CRYM: variants seen among roughly 807,000 people sequenced by gnomAD.
CRYM encodes crystallin mu, also known as ketimine reductase mu-crystallin.
CRYM carries 18 observed loss-of-function variants against 32.9 expected under a neutral mutation model. That is an observed-to-expected ratio of 0.55 (90% confidence interval 0.38 to 0.81). The LOEUF is 0.81. CRYM is among the 30% of genes least tolerant of loss of function. CRYM has a pLI of 0.00. For synonymous variants in CRYM, 153 were observed against 152.4 expected, an observed-to-expected ratio of 1.00 and a Z score of -0.03; for missense variants, 337 against 393.5, an observed-to-expected ratio of 0.86 and a Z score of 1.21.
chr16:21,259,371 G>T (rs2093350267), intron 7 of CRYM, among the ~76,000 whole-genome samples: 1 of 151,798 alleles, frequency 6.6e-6, no homozygotes, highest in Admixed American at 6.6e-5. Context: ...GCCTCCCAAA[G>T]TGCTGGGCTT....
Position 21,277,724 on chromosome 16 carries a change from C to T in CRYM, c.171-140G>A. The T allele has an allele frequency of 3.2e-6, 3 of 945,182 alleles. No individual in the cohort carries two copies. In the South Asian group the frequency reaches 4.5e-5, roughly 14 times the overall value. The allele number at this position is 945,182 out of a possible 1,614,324, so 58.5% of individuals were successfully genotyped here. A position where few individuals can be genotyped will look rare whatever the true frequency, so the allele number is the denominator to read the frequency against. ...CCAGCCCCCGCATCCCTCTGCCCTT[C>T]CCTTAGACACTATGCACAGTATGTT... is the stretch of plus-strand genomic sequence containing the variant. On this transcript the variant is annotated intron_variant, in intron 1 of 7. Transcript: ENST00000572914. This position sits in a 1 kb window ranked among gnomAD's most constrained non-coding sequence, Gnocchi z 4.2.
At chr16:21,278,705 A>G (rs2093392730), upstream of CRYM, 1 of 185,634 alleles carries the variant, frequency 5.4e-6, no homozygotes, top group Non-Finnish European at 1.1e-5. Flanking sequence ...GCTAGGAGAT[A>G]AAAGGAGACG....
Position 21,277,954 on chromosome 16 carries a change from TAAA to T in CRYM, c.170+125_170+127del, listed in dbSNP as rs2093390352. 9.0e-7 allele frequency: 1 copy of T among 1,115,140 alleles called. No homozygotes were observed. Among genetic ancestry groups the T allele is most frequent in the South Asian group, 1.6e-5 (1 of 64,382 alleles). The allele number at this position is 1,115,140 out of a possible 1,614,324, so 69.1% of individuals were successfully genotyped here. A position where few individuals can be genotyped will look rare whatever the true frequency, so the allele number is the denominator to read the frequency against. ...ACTTAGCACACCGGGTAGCGCCTATTAAAAGTGGCAGCTGTTAGCAACGGTTAG... is the reference window on the plus strand; with the variant it reads ...ACTTAGCACACCGGGTAGCGCCTATTAGTGGCAGCTGTTAGCAACGGTTAG... On this transcript the variant is annotated intron_variant, in intron 1 of 7. Transcript: ENST00000572914. This position sits in a 1 kb window ranked among gnomAD's most constrained non-coding sequence, Gnocchi z 4.2.
intron 7 of CRYM, among the ~76,000 whole-genome samples, chr16:21,259,151 T>C (rs572036437): frequency 2.6e-5 from 4 of 151,984 alleles, no homozygotes; most frequent in East Asian, 3.9e-4. Context: ...CAGGCTGAAG[T>C]GCAGTGGCGC....
At chr16:21,264,796 C>T (rs972594956) in intron 5 of CRYM, among the ~76,000 whole-genome samples, 2 of 151,966 alleles carry the variant, frequency 1.3e-5, no homozygotes, top group Non-Finnish European at 2.9e-5. Flanking sequence ...ATGGAGAGTC[C>T]ATATGGTGGG....
intron 5 of CRYM, among the ~76,000 whole-genome samples, chr16:21,265,412 T>C (rs1254768843): frequency 6.6e-6 from 1 of 152,204 alleles, no homozygotes; most frequent in East Asian, 1.9e-4. Context: ...AGAGAGCTTC[T>C]CAGATAACCC....
intron 7 of CRYM, among the ~76,000 whole-genome samples, chr16:21,259,878 A>G (rs976878951): frequency 6.6e-6 from 1 of 152,252 alleles, no homozygotes; most frequent in Non-Finnish European, 1.5e-5. Flanking sequence ...CCCAAAAGTA[A>G]GAAAGCAAAA....
intron 1 of CRYM, chr16:21,301,377 T>TGGGACGAGGTGGGTGAGCGCAA (rs1487081942): frequency 1.5e-5 from 2 of 134,210 alleles, no homozygotes; most frequent in Non-Finnish European, 3.1e-5. Flanking sequence ...GTAGGGCGCA[T>TGGGACGAGGTGGGTGAGCGCAA]GGGACGAGGT....
At chr16:21,267,039 C>T (rs2093365169) in intron 5 of CRYM, among the ~76,000 whole-genome samples, 2 of 151,980 alleles carry the variant, frequency 1.3e-5, no homozygotes, top group Non-Finnish European at 2.9e-5. Flanking sequence ...TTTTATAGAA[C>T]ATTAAATATT....
At chr16:21,289,250 G>A (rs1001501858) in intron 1 of CRYM, among the ~76,000 whole-genome samples, 1 of 152,052 alleles carries the variant, frequency 6.6e-6, no homozygotes. Context: ...ATATTTTAGG[G>A]CTGTGTTGTT....
chr16:21,267,706 G>A lies in CRYM; in HGVS notation c.521C>T (p.Ala174Val). The change falls in exon 5 of 8, where the codon GCA becomes GTA. Residue 174 changes from alanine to valine, a missense_variant. By Grantham distance (64) the Ala-to-Val change is moderately conservative. Coordinates refer to ENST00000572914, the MANE Select transcript of CRYM (RefSeq NM_001376256.1). Reference sequence around the variant, plus strand: ...TTGCACTGTGTCTGCAAACTTCTCTGCATTTTCTTTGGTGCGGTTCCATAT... The same window carrying A: ...TTGCACTGTGTCTGCAAACTTCTCTACATTTTCTTTGGTGCGGTTCCATAT... Reference protein sequence around the residue: ...VRIWNRTKENAEKFADTVQGE... With the variant: ...VRIWNRTKENVEKFADTVQGE... The A allele has an allele frequency of 6.2e-7, 1 of 1,614,224 alleles. No homozygotes were observed. The highest frequency in any genetic ancestry group is 8.5e-7 in the Non-Finnish European group (1 of 1,180,036).
chr16:21,264,288 T>C (rs113717073), intron 5 of CRYM, among the ~76,000 whole-genome samples: 2 of 152,292 alleles, frequency 1.3e-5, no homozygotes, highest in African/African-American at 4.8e-5. Context: ...AAAACCCCCG[T>C]TTCTCAGGCC....
chr16:21,264,014 G>C (rs1314987776), intron 5 of CRYM, among the ~76,000 whole-genome samples: 2 of 152,244 alleles, frequency 1.3e-5, no homozygotes, highest in Non-Finnish European at 2.9e-5. Context: ...AAACACATCT[G>C]CTGGCTGGAT....
intron 1 of CRYM, among the ~76,000 whole-genome samples, chr16:21,295,606 A>G (rs1960772672): frequency 6.6e-6 from 1 of 152,222 alleles, no homozygotes; most frequent in Middle Eastern, 3.2e-3. Flanking sequence ...TAACTATAGT[A>G]ATACAATGGT....
In CRYM at chr16:21,278,230, G is replaced by A. The variant is rs1400872889; in HGVS notation, c.22C>T (p.Leu8=). ...TGTTCCTCCACCTCGGCCGCGCTCA[G>A]GAACGCTGGTACCCGGCTCATCTCG... The part of the protein sequence containing the change: MSRVPAF[L]SAAEVEEHLR... Residue 8 remains leucine (L), a synonymous_variant, in exon 1 of 8, where the codon CTG becomes TTG. Transcript: ENST00000572914. 1 of 1,580,524 alleles carries A rather than the reference G, an allele frequency of 6.3e-7. No individual in the cohort carries two copies. The highest frequency in any genetic ancestry group is 1.2e-5 in the South Asian group (1 of 86,520).
At chr16:21,286,343 A>G (rs989157701) in intron 1 of CRYM, among the ~76,000 whole-genome samples, 3 of 151,220 alleles carry the variant, frequency 2.0e-5, no homozygotes, top group Admixed American at 6.6e-5. Context: ...TCAGCCTCCC[A>G]AGTAGCTGGG....
chr16:21,272,644 G>A (rs1268960117), intron 3 of CRYM, among the ~76,000 whole-genome samples: 1 of 136,288 alleles, frequency 7.3e-6, no homozygotes, highest in Non-Finnish European at 1.5e-5. Context: ...CATATTTATT[G>A]GTGTGAATTT....
rs2152860837 is a variant in CRYM at position 21,258,722 on chromosome 16, T to G, written c.*59A>C. 1 of 1,460,984 alleles carries G rather than the reference T, an allele frequency of 6.8e-7. No homozygotes were observed. The highest frequency in any genetic ancestry group is 1.1e-5 in the South Asian group (1 of 88,002). The allele number at this position is 1,460,984 out of a possible 1,614,324, so 90.5% of individuals were successfully genotyped here. A position where few individuals can be genotyped will look rare whatever the true frequency, so the allele number is the denominator to read the frequency against. On this transcript the variant is annotated 3_prime_UTR_variant, in exon 8 of 8. Coordinates refer to ENST00000572914, the MANE Select transcript of CRYM (RefSeq NM_001376256.1). ...TGGACTCCCTCATTTACTCTAGAAA[T>G]TATGAGAACCAGCAGCAATATTCCT... is the stretch of plus-strand genomic sequence containing the variant.
At chr16:21,271,383 CTT>C (rs2093375149) in intron 3 of CRYM, among the ~76,000 whole-genome samples, 1 of 152,188 alleles carries the variant, frequency 6.6e-6, no homozygotes, top group Admixed American at 6.5e-5. Context: ...ATTTAGTAAA[CTT>C]TGAGTTCCCT....
Sources: gnomAD v4.1 joint callset for allele counts (sites outside exome capture counted in the v4.1 genomes callset) on GRCh38, gnomAD v4.1.1 for gene constraint, Gnocchi (gnomAD v3.1) non-coding constraint, MANE v1.5 for transcripts, NCBI Gene and HGNC (gene_info 2026-07-23, HGNC 2026-07-21) for gene names.